The following RREB1 variants were observed in gnomAD, a reference collection of about 807,000 sequenced individuals.
RREB1 encodes ras-responsive element-binding protein 1.
In RREB1, 27 loss-of-function variants were observed where a neutral mutation model predicts 117.8. The observed-to-expected ratio is 0.23, with a 90% CI of 0.17 to 0.32. The LOEUF is 0.32. Ranked by LOEUF, RREB1 falls within the 10% of genes least tolerant of loss-of-function variation. The pLI is 1.00. For synonymous variants in RREB1, 1,298 were observed against 1,026.7 expected, an observed-to-expected ratio of 1.26 and a Z score of -5.05; for missense variants, 2,577 against 2,378.2, an observed-to-expected ratio of 1.08 and a Z score of -1.74.
intron 6 of RREB1, among the ~76,000 whole-genome samples, chr6:7,197,293 A>G (rs895531339): frequency 2.0e-5 from 3 of 152,210 alleles, no homozygotes; most frequent in African/African-American, 7.2e-5. Context: ...TTTAATTCTA[A>G]AGAGTTGTGG....
intron 1 of RREB1, among the ~76,000 whole-genome samples, chr6:7,131,539 G>A (rs1273576054): frequency 1.3e-5 from 2 of 152,172 alleles, no homozygotes; most frequent in African/African-American, 4.8e-5. Flanking sequence ...CTTGCCCAAG[G>A]TTACTCTAGC....
intron 1 of RREB1, among the ~76,000 whole-genome samples, chr6:7,164,315 T>G (rs1190904671): frequency 1.3e-5 from 2 of 152,154 alleles, no homozygotes; most frequent in South Asian, 2.1e-4. Context: ...CCCACCCGGT[T>G]CTCTTACCTG....
rs140116532 is a variant in RREB1, at chr6:7,219,815, G to A, written c.708-6652G>A. 2.6e-3 allele frequency among the ~76,000 whole-genome samples: 401 copies of A among 152,276 alleles called. 2 individuals carry two copies. Among genetic ancestry groups the A allele is most frequent in the African/African-American group, 9.3e-3 (388 of 41,560 alleles). On this transcript the variant is annotated intron_variant, in intron 8 of 12. Coordinates refer to ENST00000379938, the MANE Select transcript of RREB1 (RefSeq NM_001003699.4). ...GCCATCTGTGCCTTTACATACCAGG[G>A]GCCATGTAGAAAGAGCTTACCTTAT...
At chr6:7,204,122 A>T (rs1766139106) in intron 6 of RREB1, among the ~76,000 whole-genome samples, 1 of 152,156 alleles carries the variant, frequency 6.6e-6, no homozygotes, top group African/African-American at 2.4e-5. Context: ...CTGGCTTTGG[A>T]GGTCAGCACA....
At chr6:7,218,190 C>G (rs554415470) in intron 8 of RREB1, 5 of 152,198 alleles carry the variant, frequency 3.3e-5, no homozygotes. Context: ...CAAAAATATG[C>G]TTAGCATAGT....
At chr6:7,196,218 G>T (rs868109363) in intron 6 of RREB1, among the ~76,000 whole-genome samples, 15 of 121,468 alleles carry the variant, frequency 1.2e-4, no homozygotes, top group South Asian at 2.6e-4. Context: ...TTTTTTTTTC[G>T]TTTTTTTTTT....
chr6:7,247,951 C>T (rs1353622601), intron 12 of RREB1, among the ~76,000 whole-genome samples: 3 of 152,248 alleles, frequency 2.0e-5, no homozygotes, highest in Admixed American at 1.3e-4. Context: ...CCCGACCCAG[C>T]GCAGTCGGCT....
intron 6 of RREB1, 105 bp downstream of exon 6, chr6:7,189,427 A>G: frequency 9.3e-7 from 1 of 1,072,522 alleles, no homozygotes; most frequent in South Asian, 1.7e-5. Flanking sequence ...AGGTACAGAG[A>G]GTTCTGGAGC....
chr6:7,191,121 C>A (rs1581515899), intron 6 of RREB1, among the ~76,000 whole-genome samples: 1 of 152,210 alleles, frequency 6.6e-6, no homozygotes, highest in African/African-American at 2.4e-5. Flanking sequence ...TCTACAATAA[C>A]CTGTGTGGCA....
In RREB1 at chr6:7,208,536, C is replaced by T. The variant is rs1302043325; in HGVS notation, c.426-2268C>T. Reference sequence around the variant, plus strand: ...CTGGGGATTTCACCCTGAAATGGAGCGGTGCTTGTGCTTTTGCACCTGGGG... The same window carrying T: ...CTGGGGATTTCACCCTGAAATGGAGTGGTGCTTGTGCTTTTGCACCTGGGG... On this transcript the variant is annotated intron_variant, in intron 6 of 12. Coordinates refer to ENST00000379938, the MANE Select transcript of RREB1 (RefSeq NM_001003699.4). Among the ~76,000 whole-genome samples the T allele has an allele frequency of 2.0e-5, 3 of 152,340 alleles. No homozygotes were observed. The South Asian group carries it at 6.2e-4, about 32-fold the overall frequency.
chr6:7,164,170 C>T (rs1763810827), intron 1 of RREB1, among the ~76,000 whole-genome samples: 1 of 152,202 alleles, frequency 6.6e-6, no homozygotes, highest in Non-Finnish European at 1.5e-5. Flanking sequence ...ATACTGGCTC[C>T]ATTCTGGAGA....
Position 7,231,566 on chromosome 6 carries a change from A to T in RREB1, c.3467A>T (p.Lys1156Ile), listed in dbSNP as rs1581577611. ...PAGTSKKRGR[K>I]RGMRSRPRAN... ...GGCACGTCGAAGAAGAGGGGCCGGAAAAGGGGGATGAGGAGCCGACCCCGC... is the reference window on the plus strand; with the variant it reads ...GGCACGTCGAAGAAGAGGGGCCGGATAAGGGGGATGAGGAGCCGACCCCGC... Residue 1156 changes from lysine to isoleucine, a missense_variant, in exon 10 of 13, where the codon AAA (lysine) becomes ATA (isoleucine). By Grantham distance (102) the Lys-to-Ile change is moderately radical. Transcript: ENST00000379938. 1.2e-6 allele frequency: 2 copies of T among 1,611,144 alleles called. No individual in the cohort carries two copies. Among genetic ancestry groups the T allele is most frequent in the African/African-American group, 1.3e-5 (1 of 74,832 alleles).
intron 9 of RREB1, among the ~76,000 whole-genome samples, chr6:7,227,613 G>A (rs1270276193): frequency 6.6e-6 from 1 of 151,920 alleles, no homozygotes; most frequent in African/African-American, 2.4e-5. Context: ...TATGATAATC[G>A]GAATTCGTGG....
At chr6:7,155,600 A>G (rs529671319) in intron 1 of RREB1, among the ~76,000 whole-genome samples, 2 of 152,364 alleles carry the variant, frequency 1.3e-5, no homozygotes, top group Admixed American at 6.5e-5. Flanking sequence ...CGTGAGCCAC[A>G]GCATCCGGCC....
Position 7,189,138 on chromosome 6 carries a change from T to C in RREB1, c.262-21T>C, listed in dbSNP as rs1554122529. The C allele has an allele frequency of 3.7e-6, 6 of 1,606,572 alleles. No homozygotes were observed. In the South Asian group the frequency reaches 5.5e-5, roughly 15 times the overall value. On this transcript the variant is annotated intron_variant, in intron 5 of 12. Transcript: ENST00000379938. ...CTGATGCACTTTCTTAAGTGACCGC[T>C]GTGACCATTGCTTTCTGCAGCACAA...
chr6:7,155,866 A>C (rs1367824904), intron 1 of RREB1, among the ~76,000 whole-genome samples: 2 of 152,168 alleles, frequency 1.3e-5, no homozygotes, highest in Non-Finnish European at 2.9e-5. Context: ...TTGCTGGCCC[A>C]TGTATTCCCT....
intron 1 of RREB1, among the ~76,000 whole-genome samples, chr6:7,160,109 C>T (rs1404283295): frequency 6.9e-6 from 1 of 144,506 alleles, no homozygotes; most frequent in Non-Finnish European, 1.5e-5. Context: ...AATTTGATCA[C>T]TTTCTTTTTT....
chr6:7,221,227 G>A (rs1310202679), intron 8 of RREB1, among the ~76,000 whole-genome samples: 2 of 151,670 alleles, frequency 1.3e-5, no homozygotes, highest in Admixed American at 6.6e-5. Flanking sequence ...GGACTGCAGT[G>A]GCGCAATCTC....
intron 6 of RREB1, among the ~76,000 whole-genome samples, chr6:7,205,498 G>C (rs1236637223): frequency 6.6e-6 from 1 of 152,172 alleles, no homozygotes. Context: ...TGCATCACAT[G>C]GTCTCTGTCT....
Sources: allele counts gnomAD v4.1 joint callset (sites outside exome capture counted in the v4.1 genomes callset), GRCh38; gene constraint gnomAD v4.1.1; transcripts MANE v1.5; gene names NCBI Gene and HGNC (gene_info 2026-07-23, HGNC 2026-07-21).